Variants in POLGARF observed in about 807,000 individuals in gnomAD.
POLGARF encodes the protein POLG alternative reading frame.
chr15:89,333,748 G>A, the POLGARF span: 2 of 1,535,116 alleles, frequency 1.3e-6, no homozygotes, highest in East Asian at 2.4e-5. Context: ...CAGAGCAGGC[G>A]GCTCATGGTT....
At chr15:89,333,479 C>T in the POLGARF span, 6 of 1,612,386 alleles carry the variant, frequency 3.7e-6, no homozygotes, top group African/African-American at 5.3e-5. Context: ...CAGGCATCTC[C>T]CCTCCTTGCC....
At chr15:89,333,483 C>A in the POLGARF span, 1 of 1,612,552 alleles carries the variant, frequency 6.2e-7, no homozygotes, top group Non-Finnish European at 8.5e-7. Flanking sequence ...CATCTCCCCT[C>A]CTTGCCCGAA....
At chr15:89,330,338 A>C in the POLGARF span, 1 of 1,208,980 alleles carries the variant, frequency 8.3e-7, no homozygotes, top group South Asian at 1.3e-5. Context: ...CTCCACAACA[A>C]CCACTGCACA....
chr15:89,333,185 G>A, the POLGARF span: 1 of 1,569,098 alleles, frequency 6.4e-7, no homozygotes, highest in Non-Finnish European at 8.7e-7. Context: ...CCCGCTCCTC[G>A]GGGATGGCCA....
the POLGARF span, among the ~76,000 whole-genome samples, chr15:89,331,017 T>C: frequency 2.4e-4 from 37 of 152,222 alleles, no homozygotes; most frequent in African/African-American, 8.9e-4. Context: ...GAATGGCCAC[T>C]GAGGAAATGC....
chr15:89,333,724 C>T, the POLGARF span: 8 of 1,535,970 alleles, frequency 5.2e-6, no homozygotes, highest in Non-Finnish European at 3.5e-6. Context: ...ACGGTGGCGC[C>T]GGCCACCTTC....
the POLGARF span, chr15:89,333,683 G>C: frequency 1.9e-6 from 3 of 1,546,086 alleles, no homozygotes; most frequent in African/African-American, 2.7e-5. Context: ...TGGAGACCCA[G>C]CGCCCCGGAG....
chr15:89,330,354 C>T, the POLGARF span: 10 of 1,103,366 alleles, frequency 9.1e-6, no homozygotes, highest in African/African-American at 4.6e-5. Flanking sequence ...GCACACCTAC[C>T]GCCACATGCC....
chr15:89,330,339 C>A, the POLGARF span: 3 of 1,225,480 alleles, frequency 2.4e-6, no homozygotes, highest in South Asian at 3.7e-5. Flanking sequence ...TCCACAACAA[C>A]CACTGCACAC....
At chr15:89,330,941 G>A in the POLGARF span, among the ~76,000 whole-genome samples, 1 of 152,142 alleles carries the variant, frequency 6.6e-6, no homozygotes, top group Admixed American at 6.5e-5. Context: ...GCTGCCTGTT[G>A]GGGGCCCGAC....
chr15:89,331,583 C>G, the POLGARF span, among the ~76,000 whole-genome samples: 19 of 152,254 alleles, frequency 1.2e-4, no homozygotes, highest in Non-Finnish European at 2.4e-4. Flanking sequence ...AGACGTCCCT[C>G]TAGCCTGATG....
chr15:89,333,596 T>TGC, the POLGARF span: 6 of 1,598,000 alleles, frequency 3.8e-6, no homozygotes, highest in South Asian at 1.1e-5. Flanking sequence ...GAGGCTGCTG[T>TGC]TGCTGCTGCT....
chr15:89,333,792 C>T, the POLGARF span: 2 of 1,534,446 alleles, frequency 1.3e-6, no homozygotes, highest in Non-Finnish European at 1.7e-6. Context: ...AGTCAGAACA[C>T]CTGGCTTTGG....
chr15:89,333,568 A>G, the POLGARF span: 1 of 1,610,884 alleles, frequency 6.2e-7, no homozygotes, highest in Non-Finnish European at 8.5e-7. Context: ...CCCTCCGAGG[A>G]TAGCACTTGC....
chr15:89,333,361 C>A, the POLGARF span: 1 of 1,573,062 alleles, frequency 6.4e-7, no homozygotes, highest in Non-Finnish European at 8.6e-7. Flanking sequence ...AGGTTGTCCC[C>A]GTAGAGGGGC....
chr15:89,333,164 G>T, the POLGARF span: 2 of 1,551,754 alleles, frequency 1.3e-6, no homozygotes, highest in Non-Finnish European at 1.7e-6. Context: ...CCTCCACGTC[G>T]AACACCAGGG....
chr15:89,333,716 G>A, the POLGARF span: 23 of 1,536,662 alleles, frequency 1.5e-5, no homozygotes, highest in African/African-American at 3.0e-4. Flanking sequence ...CTGGCCCGAC[G>A]GTGGCGCCGG....
At chr15:89,332,816 A>C in the POLGARF span, among the ~76,000 whole-genome samples, 7 of 152,136 alleles carry the variant, frequency 4.6e-5, no homozygotes, top group Admixed American at 1.3e-4. Flanking sequence ...AATCACCGTG[A>C]TCTTAAGTGG....
At chr15:89,333,112 T>C in the POLGARF span, 2 of 1,520,086 alleles carry the variant, frequency 1.3e-6, no homozygotes, top group Non-Finnish European at 1.8e-6. Context: ...GAGGGGGATA[T>C]GGCCACCGCC....
Sources: gnomAD v4.1 joint callset for allele counts (sites outside exome capture counted in the v4.1 genomes callset) on GRCh38, gnomAD v4.1.1 for gene constraint, MANE v1.5 for transcripts, NCBI Gene and HGNC (gene_info 2026-07-23, HGNC 2026-07-21) for gene names.